The following KRT80 variants were observed in gnomAD, a reference collection of about 807,000 sequenced individuals.
KRT80 encodes the protein keratin 80, also known as keratin, type II cytoskeletal 80.
A neutral mutation model predicts 51.5 loss-of-function variants in KRT80; 36 were observed. That is an observed-to-expected ratio of 0.70 (90% confidence interval 0.54 to 0.92). The LOEUF (loss-of-function observed/expected upper bound fraction) is 0.92. Ranked by LOEUF, KRT80 falls within the 40% of genes least tolerant of loss-of-function variation. The pLI, the probability that KRT80 is intolerant of heterozygous loss-of-function variation, is 0.00. For missense variants in KRT80, 566 were observed against 591.7 expected (o/e 0.96, Z 0.45); for synonymous variants, 235 against 248.3 (o/e 0.95, Z 0.50).
At chr12:52,191,346 G>T (rs1941477955) in intron 1 of KRT80, among the ~76,000 whole-genome samples, 1 of 152,148 alleles carries the variant, frequency 6.6e-6, no homozygotes, top group Non-Finnish European at 1.5e-5. Context: ...GTGACCCCAG[G>T]TCATGCAGCA....
At chr12:52,184,013 G>A (rs1407924347) in intron 2 of KRT80, among the ~76,000 whole-genome samples, 1 of 105,480 alleles carries the variant, frequency 9.5e-6, no homozygotes, top group Non-Finnish European at 2.1e-5. Flanking sequence ...CTCTCCGGAG[G>A]GGCGGTCAGA....
chr12:52,184,887 C>A (rs770570803), intron 2 of KRT80, among the ~76,000 whole-genome samples: 13 of 152,218 alleles, frequency 8.5e-5, no homozygotes, highest in Non-Finnish European at 1.8e-4. Flanking sequence ...AAATCAAACC[C>A]ATTCTTTCCA....
chr12:52,182,651 G>C (rs1385901862), intron 2 of KRT80, among the ~76,000 whole-genome samples: 2 of 152,214 alleles, frequency 1.3e-5, no homozygotes, highest in Non-Finnish European at 2.9e-5. Context: ...CTGCCTAGGG[G>C]AACATAAGTA....
intron 4 of KRT80, among the ~76,000 whole-genome samples, chr12:52,178,685 A>C (rs1021515379): frequency 6.6e-6 from 1 of 152,156 alleles, no homozygotes; most frequent in Non-Finnish European, 1.5e-5. Context: ...GAGAGAAGGG[A>C]CCTTGCCCAG....
In KRT80 at chr12:52,172,469, G is replaced by T. The variant is rs368504665; in HGVS notation, c.958-51C>A. The T allele has an allele frequency of 1.5e-4, 237 of 1,535,308 alleles. 2 individuals carry two copies. The highest frequency in any genetic ancestry group is 1.1e-3 in the African/African-American group (78 of 73,464). On this transcript the variant is annotated intron_variant, in intron 6 of 8. Transcript: ENST00000394815. The stretch of plus-strand genomic sequence containing the variant: ...GGGCCTGTGAGCAGGGGAAGGAGGA[G>T]CGGGCCAGGGCCAGGAGTCGTCTCT...
chr12:52,188,030 G>C (rs963842719), intron 1 of KRT80, among the ~76,000 whole-genome samples: 3 of 152,080 alleles, frequency 2.0e-5, no homozygotes, highest in African/African-American at 7.2e-5. Context: ...GGGGATCAGG[G>C]ACAGCCCCCT....
chr12:52,190,680 A>G (rs1941465998), intron 1 of KRT80, among the ~76,000 whole-genome samples: 1 of 152,240 alleles, frequency 6.6e-6, no homozygotes, highest in Non-Finnish European at 1.5e-5. Context: ...TGAGAGAAAT[A>G]CAGATAAACC....
At chr12:52,172,819 C>T (rs1002637666) in intron 6 of KRT80, among the ~76,000 whole-genome samples, 2 of 152,144 alleles carry the variant, frequency 1.3e-5, no homozygotes, top group African/African-American at 4.8e-5. Context: ...TTCCAGCAGC[C>T]TTGACCAGAT....
At chr12:52,180,809 TTTGA>T (rs761283501) in intron 3 of KRT80, 90 bp downstream of exon 3, 4 of 1,601,536 alleles carry the variant, frequency 2.5e-6, no homozygotes, top group Non-Finnish European at 1.7e-6. Flanking sequence ...CTCTGAGGGC[TTTGA>T]TTGGGCATAA....
intron 4 of KRT80, among the ~76,000 whole-genome samples, 174 bp downstream of exon 4, chr12:52,180,339 G>A (rs1941297178): frequency 6.6e-6 from 1 of 152,176 alleles, no homozygotes; most frequent in Non-Finnish European, 1.5e-5. Flanking sequence ...GGTCATGCAG[G>A]GTTATTGACA....
intron 6 of KRT80, 123 bp downstream of exon 6, chr12:52,172,915 G>T: frequency 8.7e-7 from 1 of 1,155,342 alleles, no homozygotes; most frequent in South Asian, 1.6e-5. Context: ...GGAAACTGAG[G>T]CACAGAGGCG....
chr12:52,181,841 C>A (rs1415970723), intron 2 of KRT80, among the ~76,000 whole-genome samples: 3 of 152,244 alleles, frequency 2.0e-5, no homozygotes, highest in African/African-American at 7.2e-5. Flanking sequence ...AGACTTCTCG[C>A]TGGCCCCAGC....
rs2120867478 is a variant in KRT80, at chr12:52,172,253, C to A, written c.1123G>T (p.Ala375Ser). 6.2e-7 allele frequency: 1 copy of A among 1,613,876 alleles called. No individual in the cohort carries two copies. The highest frequency in any genetic ancestry group is 1.7e-4 in the Middle Eastern group (1 of 5,992). The change falls in exon 7 of 9, where the codon GCC (alanine) becomes TCC (serine). Residue 375 changes from alanine (A) to serine (S), a missense_variant. Physicochemically the swap from Ala to Ser is moderately conservative, Grantham distance 99 (BLOSUM62 1). Transcript: ENST00000394815. Reference sequence around the variant, plus strand: ...TAGGTGGCGATCTCGATGTCCAGGGCCAGCTTGACGTTCATCAGCTCCTGG... The same window carrying A: ...TAGGTGGCGATCTCGATGTCCAGGGACAGCTTGACGTTCATCAGCTCCTGG... Reference protein sequence around the residue: ...KYQELMNVKLALDIEIATYRK... With the variant: ...KYQELMNVKLSLDIEIATYRK...
At chr12:52,174,915 G>A (rs1005730785) in intron 4 of KRT80, among the ~76,000 whole-genome samples, 1 of 152,162 alleles carries the variant, frequency 6.6e-6, no homozygotes, top group Admixed American at 6.5e-5. Flanking sequence ...TGCTGAAAAG[G>A]GTAGGGCCTC....
rs781054525 is a variant in KRT80, at chr12:52,172,234, G to T, written c.1142C>A (p.Ala381Asp). 2 of 1,613,946 alleles carry T rather than the reference G, an allele frequency of 1.2e-6. No individual in the cohort carries two copies. The highest frequency in any genetic ancestry group is 1.7e-5 in the Admixed American group (1 of 60,032). ...GCCCTCCACCAGCTTCCTGTAGGTGGCGATCTCGATGTCCAGGGCCAGCTT... is the reference window on the plus strand; with the variant it reads ...GCCCTCCACCAGCTTCCTGTAGGTGTCGATCTCGATGTCCAGGGCCAGCTT... The part of the protein sequence containing the change: ...NVKLALDIEI[A>D]TYRKLVEGEE... The change falls in exon 7 of 9, where the codon GCC becomes GAC. Residue 381 changes from alanine to aspartate, a missense_variant. Coordinates refer to ENST00000394815, the MANE Select transcript of KRT80 (RefSeq NM_182507.3).
At chr12:52,173,450 G>A (rs1282586655) in intron 5 of KRT80, 150 bp downstream of exon 5, 17 of 438,908 alleles carry the variant, frequency 3.9e-5, no homozygotes, top group Admixed American at 8.8e-5. Context: ...GTCTCCCCCC[G>A]CCCGCCCCGT....
chr12:52,189,906 T>G (rs1338619707), intron 1 of KRT80, among the ~76,000 whole-genome samples: 1 of 152,150 alleles, frequency 6.6e-6, no homozygotes, highest in Non-Finnish European at 1.5e-5. Context: ...GGGCACAGGG[T>G]GATATCAGTG....
intron 1 of KRT80, among the ~76,000 whole-genome samples, chr12:52,188,058 G>A (rs577247121): frequency 6.6e-6 from 1 of 152,200 alleles, no homozygotes. Flanking sequence ...GCTGCCCTTG[G>A]GGGAGTCTCT....
At chr12:52,172,684 G>A (rs2120870715) in intron 6 of KRT80, among the ~76,000 whole-genome samples, 1 of 152,318 alleles carries the variant, frequency 6.6e-6, no homozygotes, top group African/African-American at 2.4e-5. Flanking sequence ...CACCTGCCCT[G>A]AAGGTTTGTC....
Sources: allele counts gnomAD v4.1 joint callset (sites outside exome capture counted in the v4.1 genomes callset), GRCh38; gene constraint gnomAD v4.1.1; transcripts MANE v1.5; gene names NCBI Gene and HGNC (gene_info 2026-07-23, HGNC 2026-07-21).